The following PDCD4 variants were observed in gnomAD, a reference collection of about 807,000 sequenced individuals.
PDCD4 encodes programmed cell death 4.
A neutral mutation model predicts 54.0 loss-of-function variants in PDCD4; 56 were observed. That is an observed-to-expected ratio of 1.04 (90% CI 0.84 to 1.30). PDCD4 has a LOEUF of 1.30. PDCD4 is among the 50% of genes most tolerant of loss of function. The pLI, the probability that PDCD4 is intolerant of heterozygous loss-of-function variation, is 0.00. For missense variants in PDCD4, 584 were observed against 559.8 expected, an observed-to-expected ratio of 1.04 and a Z score of -0.44; for synonymous variants, 186 against 194.8, an observed-to-expected ratio of 0.95 and a Z score of 0.37.
chr10:110,898,153 C>T lies in PDCD4; in HGVS notation c.*65C>T. The T allele has an allele frequency of 1.5e-6, 1 of 658,598 alleles. No individual in the cohort carries two copies. Among genetic ancestry groups the T allele is most frequent in the Non-Finnish European group, 2.1e-6 (1 of 469,350 alleles). 40.8% of individuals were successfully genotyped at this position (658,598 alleles called of 1,614,324 possible). ...ATATCTGAATTGTAAGAGTTGTTAG[C>T]ACAAGTTTTTTTTTTTTTTTTTTTT... On this transcript the variant is annotated 3_prime_UTR_variant, in exon 12 of 12. Coordinates refer to ENST00000280154, the MANE Select transcript of PDCD4 (RefSeq NM_014456.5).
chr10:110,877,070 T>TA (rs1464143465), intron 2 of PDCD4, among the ~76,000 whole-genome samples: 1 of 152,216 alleles, frequency 6.6e-6, no homozygotes, highest in African/African-American at 2.4e-5. Flanking sequence ...CAGATCTTTT[T>TA]AAAGTATGGT....
intron 6 of PDCD4, among the ~76,000 whole-genome samples, chr10:110,888,376 A>T (rs903873145): frequency 2.6e-5 from 4 of 152,206 alleles, no homozygotes; most frequent in Non-Finnish European, 4.4e-5. Context: ...GAATATAGGC[A>T]TGTCAGTTCC....
intron 6 of PDCD4, among the ~76,000 whole-genome samples, chr10:110,888,723 T>A (rs1424512627): frequency 6.6e-6 from 1 of 152,186 alleles, no homozygotes; most frequent in South Asian, 2.1e-4. Context: ...CCATAAAATA[T>A]GGTAAATATC....
rs751271833 is a variant in PDCD4, at chr10:110,881,559, A to G, written c.346+24A>G. ...AGGTTGGTATATATCATGTCCAACAAATGGAAGATAAACAAGTGGAAAAAA... is the reference window on the plus strand; with the variant it reads ...AGGTTGGTATATATCATGTCCAACAGATGGAAGATAAACAAGTGGAAAAAA... On this transcript the variant is annotated intron_variant, in intron 3 of 11. Coordinates refer to ENST00000280154, the MANE Select transcript of PDCD4 (RefSeq NM_014456.5). The G allele has an allele frequency of 5.7e-6, 9 of 1,568,170 alleles. No individual in the cohort carries two copies. In the South Asian group the frequency reaches 1.1e-4, roughly 18 times the overall value.
intron 10 of PDCD4, among the ~76,000 whole-genome samples, chr10:110,894,922 T>C (rs558497135): frequency 6.6e-6 from 1 of 152,136 alleles, no homozygotes; most frequent in South Asian, 2.1e-4. Context: ...TTGTTTGCCT[T>C]GTATTTTTTT....
At chr10:110,897,646 C>T (rs1372482024) in intron 11 of PDCD4, among the ~76,000 whole-genome samples, 1 of 152,052 alleles carries the variant, frequency 6.6e-6, no homozygotes, top group African/African-American at 2.4e-5. Context: ...TTGCACAGCT[C>T]CAGTTTGCAT....
chr10:110,895,667 A>G (rs892690188), intron 10 of PDCD4, among the ~76,000 whole-genome samples: 7 of 152,198 alleles, frequency 4.6e-5, no homozygotes, highest in Non-Finnish European at 2.9e-5. Context: ...CACTTTCTAC[A>G]GGGGCTGAAC....
Position 110,875,977 on chromosome 10 carries a change from AG to A in PDCD4, c.-50del. On this transcript the variant is annotated 5_prime_UTR_variant, in exon 2 of 12. Transcript: ENST00000280154. Reference sequence around the variant, plus strand: ...TTTTAAAAAAACAGATTCTGAAGGAAGATTTCCATTAGGTAATTTGTTTAAT... The same window carrying A: ...TTTTAAAAAAACAGATTCTGAAGGAAATTTCCATTAGGTAATTTGTTTAAT... 7.2e-7 allele frequency: 1 copy of A among 1,387,040 alleles called. No individual in the cohort carries two copies. Among genetic ancestry groups the A allele is most frequent in the Non-Finnish European group, 9.9e-7 (1 of 1,005,176 alleles). The allele number at this position is 1,387,040 out of a possible 1,614,324, so 85.9% of individuals were successfully genotyped here. A position where few individuals can be genotyped will look rare whatever the true frequency, so the allele number is the denominator to read the frequency against.
chr10:110,885,191 C>A (rs1845650768), intron 4 of PDCD4, 62 bp from the exon 5 acceptor site: 1 of 763,768 alleles, frequency 1.3e-6, no homozygotes, highest in Non-Finnish European at 2.3e-6. Context: ...AATTGTACAA[C>A]AATTTCACTT....
Position 110,898,892 on chromosome 10 carries a change from A to G in PDCD4, c.*804A>G, listed in dbSNP as rs1845897621. ...TTTTTTCCCTACAAAATTTTAAGTG[A>G]AAAATACAATAGTAAATTAAGATTA... On this transcript the variant is annotated 3_prime_UTR_variant, in exon 12 of 12. Coordinates refer to ENST00000280154, the MANE Select transcript of PDCD4 (RefSeq NM_014456.5). The G allele has an allele frequency of 6.6e-6, 1 of 152,630 alleles. No individual in the cohort carries two copies. The highest frequency in any genetic ancestry group is 6.5e-5 in the Admixed American group (1 of 15,296). The allele number at this position is 152,630 out of a possible 1,614,324, so 9.5% of individuals were successfully genotyped here.
chr10:110,897,865 G>A (rs1050025036), intron 11 of PDCD4, among the ~76,000 whole-genome samples, 163 bp from the exon 12 acceptor site: 6 of 150,824 alleles, frequency 4.0e-5, no homozygotes, highest in Non-Finnish European at 7.4e-5. Flanking sequence ...TATATAGTAG[G>A]GAGTCTTTTC....
chr10:110,873,435 A>G (rs976895197), intron 1 of PDCD4, among the ~76,000 whole-genome samples: 2 of 152,238 alleles, frequency 1.3e-5, no homozygotes, highest in African/African-American at 4.8e-5. Context: ...CAGGAAATAC[A>G]TATGTATATA....
At chr10:110,894,944 A>T (rs1254667348) in intron 10 of PDCD4, among the ~76,000 whole-genome samples, 1 of 151,958 alleles carries the variant, frequency 6.6e-6, no homozygotes, top group Non-Finnish European at 1.5e-5. Context: ...AAAAGGTAGT[A>T]AGTGTAAATA....
At chr10:110,873,921 A>G (rs1845462724) in intron 1 of PDCD4, among the ~76,000 whole-genome samples, 1 of 152,196 alleles carries the variant, frequency 6.6e-6, no homozygotes. Flanking sequence ...CTTCTGTATA[A>G]TAGTTTAAAA....
In PDCD4 at chr10:110,887,685, T is replaced by G; in HGVS notation, c.576T>G (p.Asn192Lys). The G allele has an allele frequency of 6.2e-7, 1 of 1,611,768 alleles. No individual in the cohort carries two copies. Among genetic ancestry groups the G allele is most frequent in the South Asian group, 1.1e-5 (1 of 90,922 alleles). The change falls in exon 6 of 12, where the codon AAT becomes AAG. Residue 192 changes from asparagine to lysine, a missense_variant. Coordinates refer to ENST00000280154, the MANE Select transcript of PDCD4 (RefSeq NM_014456.5). Reference sequence around the variant, plus strand: ...AACAGGAAATGTTAAGAGATTTAAATCTTGGTGAAATGAAAAGTGGAGTAC... The same window carrying G: ...AACAGGAAATGTTAAGAGATTTAAAGCTTGGTGAAATGAAAAGTGGAGTAC... ...NEVAEMLRDL[N>K]LGEMKSGVPV...
At chr10:110,896,146 G>A in intron 11 of PDCD4, 59 bp downstream of exon 11, 1 of 1,300,930 alleles carries the variant, frequency 7.7e-7, no homozygotes, top group African/African-American at 1.5e-5. Context: ...CTTTGGGAAG[G>A]TTAACTGCTA....
At chr10:110,890,008 GTTTTA>G (rs1468771309) in intron 7 of PDCD4, among the ~76,000 whole-genome samples, 2 of 152,122 alleles carry the variant, frequency 1.3e-5, no homozygotes, top group Non-Finnish European at 2.9e-5. Context: ...CTGATTTATA[GTTTTA>G]TTTTGTATTT....
Position 110,894,105 on chromosome 10 carries a change from G to GA in PDCD4, c.1008dup (p.Glu337ArgfsTer10). On this transcript the variant is annotated frameshift_variant, in exon 9 of 12. Coordinates refer to ENST00000280154, the MANE Select transcript of PDCD4 (RefSeq NM_014456.5). LOFTEE classifies it high-confidence loss of function. ...AAATCTAATAGATTGATATGCTGCTGAAAGAATATTTACTCTCTGGAGACA... is the reference window on the plus strand; with the variant it reads ...AAATCTAATAGATTGATATGCTGCTGAAAAGAATATTTACTCTCTGGAGACA... 6.3e-7 allele frequency: 1 copy of GA among 1,598,428 alleles called. No homozygotes were observed. The highest frequency in any genetic ancestry group is 1.3e-5 in the African/African-American group (1 of 74,652).
chr10:110,880,936 A>G (rs1845580492), intron 2 of PDCD4, among the ~76,000 whole-genome samples: 1 of 152,248 alleles, frequency 6.6e-6, no homozygotes, highest in South Asian at 2.1e-4. Context: ...TATGATCTAA[A>G]CGTGAAATAA....
Sources: gnomAD v4.1 joint callset for allele counts (sites outside exome capture counted in the v4.1 genomes callset) on GRCh38, gnomAD v4.1.1 for gene constraint, MANE v1.5 for transcripts, NCBI Gene and HGNC (gene_info 2026-07-23, HGNC 2026-07-21) for gene names.